SLC2A1: variants seen among roughly 807,000 people sequenced by gnomAD.
The protein encoded by SLC2A1 is solute carrier family 2, facilitated glucose transporter member 1.
Under a neutral mutation model 46.6 loss-of-function variants are expected in SLC2A1, and 4 were observed. That is an observed-to-expected ratio of 0.09 (90% confidence interval 0.04 to 0.20). SLC2A1 has a LOEUF of 0.20. SLC2A1 is among the 10% of genes least tolerant of loss of function. The pLI is 1.00. For missense variants in SLC2A1, 352 were observed against 667.0 expected (o/e 0.53, Z 5.20); for synonymous variants, 253 against 270.0 (o/e 0.94, Z 0.62).
intron 2 of SLC2A1, among the ~76,000 whole-genome samples, chr1:42,935,247 G>C (rs1643530523): frequency 6.6e-6 from 1 of 152,122 alleles, no homozygotes; most frequent in South Asian, 2.1e-4. Context: ...GTTGACTCTG[G>C]GCAGCTGAGA....
intron 1 of SLC2A1, among the ~76,000 whole-genome samples, chr1:42,957,938 A>G (rs1344893415): frequency 1.3e-5 from 2 of 152,122 alleles, no homozygotes; most frequent in East Asian, 1.9e-4. Flanking sequence ...GACTGGGCCA[A>G]AGCTTTGGGG....
chr1:42,954,293 C>T lies in SLC2A1; in HGVS notation c.18+4341G>A, dbSNP rs763656167. On this transcript the variant is annotated intron_variant, in intron 1 of 9. Transcript: ENST00000426263. The surrounding 1 kb of genome is among the most constrained non-coding windows in gnomAD (Gnocchi z 4.2). ...CAGCACTTTGGGAGGCCGAGGTGGG[C>T]GGATCACCTGAGGTCTGGAGTTCGA... Among the ~76,000 whole-genome samples the T allele has an allele frequency of 2.6e-5, 4 of 151,850 alleles. No homozygotes were observed. The highest frequency in any genetic ancestry group is 2.1e-4 in the South Asian group (1 of 4,802).
intron 1 of SLC2A1, among the ~76,000 whole-genome samples, chr1:42,946,503 G>A (rs1164657479): frequency 6.6e-6 from 1 of 152,184 alleles, no homozygotes; most frequent in Admixed American, 6.5e-5. Context: ...CTGGTATGAG[G>A]CACTGTGAGA....
intron 2 of SLC2A1, among the ~76,000 whole-genome samples, chr1:42,942,531 G>A (rs962577094): frequency 2.0e-5 from 3 of 150,758 alleles, no homozygotes; most frequent in African/African-American, 7.3e-5. Flanking sequence ...TAGGATGCAC[G>A]GCAGGGAGGA....
At chr1:42,945,665 T>A (rs1484678674) in intron 1 of SLC2A1, among the ~76,000 whole-genome samples, 1 of 150,258 alleles carries the variant, frequency 6.7e-6, no homozygotes, top group Non-Finnish European at 1.5e-5. Flanking sequence ...CAAGAATCAC[T>A]TTATCTGGGA....
rs955074806 is a variant in SLC2A1, at chr1:42,926,822, C to T, written c.*219G>A. 6 of 1,495,324 alleles carry T rather than the reference C, an allele frequency of 4.0e-6. No individual in the cohort carries two copies. The highest frequency in any genetic ancestry group is 5.3e-6 in the Non-Finnish European group (6 of 1,128,526). The allele number at this position is 1,495,324 out of a possible 1,614,324, so 92.6% of individuals were successfully genotyped here. On this transcript the variant is annotated 3_prime_UTR_variant, in exon 10 of 10. Coordinates refer to ENST00000426263, the MANE Select transcript of SLC2A1 (RefSeq NM_006516.4). ...AATAAAAAAATTATAAAACCTGTTG[C>T]TTGTCTGAATAGATTTGAGCAACAG...
intron 2 of SLC2A1, among the ~76,000 whole-genome samples, chr1:42,937,076 G>A (rs1237026715): frequency 6.6e-6 from 1 of 152,178 alleles, no homozygotes; most frequent in Non-Finnish European, 1.5e-5. Context: ...ACATCACAGT[G>A]CCAAGCTGAG....
chr1:42,944,890 C>T lies in SLC2A1; in HGVS notation c.19-1569G>A, dbSNP rs547903384. On this transcript the variant is annotated intron_variant, in intron 1 of 9. Transcript: ENST00000426263. ...TGCCCAACTAGAAAGACAGCCCCCA[C>T]CCCCCGTATGTCCTGGCACTGCCCC... Among the ~76,000 whole-genome samples the T allele has an allele frequency of 1.6e-4, 24 of 152,218 alleles. No individual in the cohort carries two copies. In the East Asian group the frequency reaches 4.6e-3, roughly 29 times the overall value.
intron 1 of SLC2A1, among the ~76,000 whole-genome samples, chr1:42,953,228 A>G (rs1441748199): frequency 1.3e-5 from 2 of 152,232 alleles, no homozygotes; most frequent in Non-Finnish European, 2.9e-5. Context: ...CAGGGAGGCA[A>G]GTCAGTGTGG....
rs942564433 is a variant in SLC2A1, at chr1:42,926,580, G to A, written c.*461C>T. The stretch of plus-strand genomic sequence containing the variant: ...GTGGGGAGATCCAGGCCAGCAGAAC[G>A]GGTGGCCATAGCCACCTCCTGGGAT... On this transcript the variant is annotated 3_prime_UTR_variant, in exon 10 of 10. Transcript: ENST00000426263. The A allele has an allele frequency of 1.1e-5, 7 of 609,574 alleles. No homozygotes were observed. Among genetic ancestry groups the A allele is most frequent in the South Asian group, 3.7e-5 (2 of 53,344 alleles). The allele number at this position is 609,574 out of a possible 1,614,324, so 37.8% of individuals were successfully genotyped here. A position where few individuals can be genotyped will look rare whatever the true frequency, so the allele number is the denominator to read the frequency against.
rs1219768466 is a variant in SLC2A1 at position 42,954,022 on chromosome 1, C to A, written c.18+4612G>T. On this transcript the variant is annotated intron_variant, in intron 1 of 9. Coordinates refer to ENST00000426263, the MANE Select transcript of SLC2A1 (RefSeq NM_006516.4). This position sits in a 1 kb window ranked among gnomAD's most constrained non-coding sequence, Gnocchi z 4.2. The stretch of plus-strand genomic sequence containing the variant: ...AAGGAAACCAAGGCTCCAAGGAAAG[C>A]CACTTCTTCAAGGTCAGAGTTTAGT... Among the ~76,000 whole-genome samples, 1 of 152,182 alleles carries A rather than the reference C, an allele frequency of 6.6e-6. No homozygotes were observed. Among genetic ancestry groups the A allele is most frequent in the Non-Finnish European group, 1.5e-5 (1 of 68,030 alleles).
chr1:42,950,795 AAACC>A (rs1643712269), intron 1 of SLC2A1, among the ~76,000 whole-genome samples: 1 of 152,200 alleles, frequency 6.6e-6, no homozygotes. Flanking sequence ...CAACATGGTG[AAACC>A]CCGTCTCTAC....
At chr1:42,931,778 A>G (rs1643492418) in intron 2 of SLC2A1, among the ~76,000 whole-genome samples, 1 of 146,888 alleles carries the variant, frequency 6.8e-6, no homozygotes, top group Admixed American at 7.0e-5. Flanking sequence ...GTGAGCCAAG[A>G]CTGTGCCACT....
chr1:42,933,435 G>A lies in SLC2A1; in HGVS notation c.115-2229C>T, dbSNP rs189849008. 2.2e-3 allele frequency among the ~76,000 whole-genome samples: 339 copies of A among 152,246 alleles called. 2 individuals carry two copies. Among genetic ancestry groups the A allele is most frequent in the African/African-American group, 8.0e-3 (332 of 41,540 alleles). ...GACTCCAGGAGTTTGTCTTCCCTGA[G>A]GAAGACAGTTGATTCACACCATGGT... On this transcript the variant is annotated intron_variant, in intron 2 of 9. Coordinates refer to ENST00000426263, the MANE Select transcript of SLC2A1 (RefSeq NM_006516.4).
chr1:42,945,762 A>G (rs1447652415), intron 1 of SLC2A1, among the ~76,000 whole-genome samples: 6 of 150,002 alleles, frequency 4.0e-5, no homozygotes, highest in African/African-American at 1.5e-4. Context: ...AACAAAAAAC[A>G]AAAAACAAGA....
rs115384944 is a variant in SLC2A1 at position 42,946,203 on chromosome 1, C to A, written c.19-2882G>T. On this transcript the variant is annotated intron_variant, in intron 1 of 9. Transcript: ENST00000426263. ...GGGGCTGCTGGAGGCCAAGGACATACCCCTCCGCTGGACCTTGTCATCAGC... is the reference window on the plus strand; with the variant it reads ...GGGGCTGCTGGAGGCCAAGGACATAACCCTCCGCTGGACCTTGTCATCAGC... 1.7e-3 allele frequency among the ~76,000 whole-genome samples: 265 copies of A among 152,296 alleles called. 2 individuals carry two copies. The highest frequency in any genetic ancestry group is 3.0e-3 in the Non-Finnish European group (205 of 68,018).
chr1:42,954,244 C>A lies in SLC2A1; in HGVS notation c.18+4390G>T, dbSNP rs1188332689. Among the ~76,000 whole-genome samples, 3 of 151,994 alleles carry A rather than the reference C, an allele frequency of 2.0e-5. No individual in the cohort carries two copies. Among genetic ancestry groups the A allele is most frequent in the Admixed American group, 6.6e-5 (1 of 15,254 alleles). On this transcript the variant is annotated intron_variant, in intron 1 of 9. Transcript: ENST00000426263. The surrounding 1 kb of genome is among the most constrained non-coding windows in gnomAD (Gnocchi z 4.2). ...AAAAAAAAAACACAGCTAGGCCAGG[C>A]GCGGTGGCTCACACCTGTAATCCCA...
At position 42,927,107 on chromosome 1, in the gene SLC2A1, TCCCCCCTGC is replaced by T; in HGVS notation, c.1404_1412del (p.Gln469_Gly471del). The T allele has an allele frequency of 6.2e-7, 1 of 1,613,998 alleles. No homozygotes were observed. The highest frequency in any genetic ancestry group is 8.5e-7 in the Non-Finnish European group (1 of 1,180,002). ...CGGGTGTCTTGTCACTTTGGCTGGC[TCCCCCCTGC>T]CGGAAGCCGGAAGCGATCTCATCGA... On this transcript the variant is annotated inframe_deletion, in exon 10 of 10. Coordinates refer to ENST00000426263, the MANE Select transcript of SLC2A1 (RefSeq NM_006516.4). This position sits in a 1 kb window ranked among gnomAD's most constrained non-coding sequence, Gnocchi z 5.3.
intron 2 of SLC2A1, among the ~76,000 whole-genome samples, chr1:42,935,649 A>T (rs941177605): frequency 7.2e-5 from 11 of 152,232 alleles, no homozygotes; most frequent in African/African-American, 2.4e-4. Flanking sequence ...TGCCTCAGGG[A>T]ATAAAGCTAG....
Sources: gnomAD v4.1 joint callset for allele counts (sites outside exome capture counted in the v4.1 genomes callset) on GRCh38, gnomAD v4.1.1 for gene constraint, Gnocchi (gnomAD v3.1) non-coding constraint, MANE v1.5 for transcripts, NCBI Gene and HGNC (gene_info 2026-07-23, HGNC 2026-07-21) for gene names.